Variants in YEATS2 observed in about 807,000 individuals in gnomAD.
YEATS2 encodes YEATS domain containing 2, also known as YEATS domain-containing protein 2.
In YEATS2, 77 loss-of-function variants were observed where a neutral mutation model predicts 163.2. The ratio of observed to expected loss-of-function variants is 0.47; its 90% CI spans 0.39 to 0.57. YEATS2 has a LOEUF of 0.57. Among genes scored for constraint, YEATS2 ranks in the 20% least tolerant of loss-of-function variants. YEATS2 has a pLI of 0.00. For synonymous variants in YEATS2, 631 were observed against 645.1 expected (o/e 0.98, Z 0.33); for missense variants, 1,549 against 1,729.8 (o/e 0.90, Z 1.85).
At position 183,701,052 on chromosome 3, in the gene YEATS2, T is replaced by C. The variant is rs76599603; in HGVS notation, c.-20+3059T>C. On this transcript the variant is annotated intron_variant, in intron 1 of 30. Coordinates refer to ENST00000305135, the MANE Select transcript of YEATS2 (RefSeq NM_018023.5). ...TTTAACTGGTGTGTGTATATATATA[T>C]GTGTGTGTGTGTGTGTGTGTATATA... Among the ~76,000 whole-genome samples the C allele has an allele frequency of 5.7e-3, 527 of 93,266 alleles. 3 individuals carry two copies. The highest frequency in any genetic ancestry group is 0.02 in the African/African-American group (487 of 24,908). The allele number at this position is 93,266 out of a possible 152,430, so 61.2% of individuals were successfully genotyped here.
At chr3:183,718,193 C>A (rs1716109228) in intron 3 of YEATS2, among the ~76,000 whole-genome samples, 1 of 152,056 alleles carries the variant, frequency 6.6e-6, no homozygotes, top group Admixed American at 6.6e-5. Flanking sequence ...CACTGTGTAC[C>A]CACAACAGTT....
intron 8 of YEATS2, among the ~76,000 whole-genome samples, chr3:183,745,229 A>T (rs1461103346): frequency 1.3e-5 from 2 of 152,200 alleles, no homozygotes; most frequent in Non-Finnish European, 2.9e-5. Flanking sequence ...TTCATAGGGC[A>T]TCCTACACAA....
chr3:183,770,170 C>T (rs1291762096), intron 15 of YEATS2, among the ~76,000 whole-genome samples: 3 of 151,490 alleles, frequency 2.0e-5, no homozygotes, highest in East Asian at 4.0e-4. Flanking sequence ...GGGCGGATCA[C>T]GAGGTCAGGA....
chr3:183,715,051 C>T (rs116632514), intron 1 of YEATS2, 93 bp from the exon 2 acceptor site: 212 of 659,930 alleles, frequency 3.2e-4, no homozygotes, highest in Non-Finnish European at 4.6e-4. Context: ...TTTGTTTGTA[C>T]ACATATATTT....
chr3:183,772,121 A>G (rs780341503), intron 15 of YEATS2, among the ~76,000 whole-genome samples, 184 bp from the exon 16 acceptor site: 1 of 152,174 alleles, frequency 6.6e-6, no homozygotes, highest in Non-Finnish European at 1.5e-5. Flanking sequence ...TTAAGCTTCT[A>G]TTATTGTAAT....
intron 1 of YEATS2, among the ~76,000 whole-genome samples, chr3:183,700,272 A>C (rs765962559): frequency 5.3e-4 from 80 of 152,170 alleles, no homozygotes; most frequent in Admixed American, 5.9e-4. Context: ...GTTATTTTTT[A>C]TTATAAAATC....
At chr3:183,755,816 C>CGATCTCG (rs1196136040) in intron 11 of YEATS2, among the ~76,000 whole-genome samples, 1 of 132,278 alleles carries the variant, frequency 7.6e-6, no homozygotes, top group Non-Finnish European at 1.5e-5. Context: ...TGCAATGGCA[C>CGATCTCG]GATCTCGGCT....
Position 183,713,573 on chromosome 3 carries a change from T to C in YEATS2, c.-19-1571T>C, listed in dbSNP as rs201708907. Among the ~76,000 whole-genome samples the C allele has an allele frequency of 1.4e-4, 21 of 152,220 alleles. No homozygotes were observed. The East Asian group carries it at 2.5e-3, about 18-fold the overall frequency. Reference sequence around the variant, plus strand: ...GTGAGACTCCGTCTCAATCAATCAATCAATCAATAAGAAACCTGGCAGCTA... The same window carrying C: ...GTGAGACTCCGTCTCAATCAATCAACCAATCAATAAGAAACCTGGCAGCTA... On this transcript the variant is annotated intron_variant, in intron 1 of 30. Transcript: ENST00000305135.
Position 183,809,153 on chromosome 3 carries a change from G to GGTATT in YEATS2, c.4143_4144insGTATT (p.Thr1382ValfsTer15). ...GACAGGCTTTGGCAGTTGGATACCAGACAGCTTCTCACAACAGGTATTACT... is the reference window on the plus strand; with the variant it reads ...GACAGGCTTTGGCAGTTGGATACCAGGTATTACAGCTTCTCACAACAGGTATTACT... On this transcript the variant is annotated frameshift_variant, in exon 30 of 31. Transcript: ENST00000305135. LOFTEE classifies it high-confidence loss of function. 6.2e-7 allele frequency: 1 copy of GGTATT among 1,614,150 alleles called. No homozygotes were observed. The highest frequency in any genetic ancestry group is 2.2e-5 in the East Asian group (1 of 44,872).
Position 183,807,030 on chromosome 3 carries a change from G to A in YEATS2, c.3949G>A (p.Glu1317Lys). Reference protein sequence around the residue: ...IKKEQEEKQEEVKFYLPPTPG... With the variant: ...IKKEQEEKQEKVKFYLPPTPG... ...GAAGGAGCAGGAAGAGAAACAAGAG[G>A]AAGTCAAGTTCTACCTGCCACCAAC... The change falls in exon 28 of 31, where the codon GAA becomes AAA. Residue 1317 changes from glutamate (E) to lysine (K), a missense_variant. Physicochemically the swap from Glu to Lys is moderately conservative, Grantham distance 56. Transcript: ENST00000305135. The A allele has an allele frequency of 6.2e-7, 1 of 1,614,146 alleles. No homozygotes were observed. The highest frequency in any genetic ancestry group is 8.5e-7 in the Non-Finnish European group (1 of 1,180,034).
intron 1 of YEATS2, among the ~76,000 whole-genome samples, chr3:183,698,770 T>G (rs1337313590): frequency 6.6e-6 from 1 of 152,102 alleles, no homozygotes; most frequent in African/African-American, 2.4e-5. Flanking sequence ...ATGTAAAAAA[T>G]GCGGTATAAT....
intron 1 of YEATS2, among the ~76,000 whole-genome samples, chr3:183,698,247 C>T (rs1165614797): frequency 6.6e-6 from 1 of 152,146 alleles, no homozygotes; most frequent in Non-Finnish European, 1.5e-5. Context: ...GGGCGCTGCG[C>T]TGAGGGGATA....
At chr3:183,730,044 TTTTG>T (rs1232274438) in intron 7 of YEATS2, among the ~76,000 whole-genome samples, 107 of 89,680 alleles carry the variant, frequency 1.2e-3, no homozygotes, top group Middle Eastern at 0.019. Flanking sequence ...TTGTGTGGTT[TTTTG>T]TTTGTTTTTT....
At chr3:183,794,245 A>C (rs534281797) in intron 21 of YEATS2, among the ~76,000 whole-genome samples, 10 of 152,350 alleles carry the variant, frequency 6.6e-5, no homozygotes, top group Non-Finnish European at 1.2e-4. Context: ...GTAGACACTA[A>C]GAAAGAAAAT....
chr3:183,720,566 T>C (rs1488899450), intron 4 of YEATS2, among the ~76,000 whole-genome samples: 1 of 152,156 alleles, frequency 6.6e-6, no homozygotes, highest in Admixed American at 6.5e-5. Flanking sequence ...TTGGTGCTGC[T>C]CCTGATGCTG....
At chr3:183,743,506 ATTTT>A in intron 8 of YEATS2, among the ~76,000 whole-genome samples, 1 of 151,852 alleles carries the variant, frequency 6.6e-6, no homozygotes, top group African/African-American at 2.4e-5. Flanking sequence ...CACTCAGTTA[ATTTT>A]TTTATTTTTT....
intron 8 of YEATS2, among the ~76,000 whole-genome samples, chr3:183,741,709 G>A (rs1718986145): frequency 6.6e-6 from 1 of 151,966 alleles, no homozygotes; most frequent in Admixed American, 6.6e-5. Flanking sequence ...TTGAACCCAG[G>A]AGGCGAAGTT....
intron 19 of YEATS2, among the ~76,000 whole-genome samples, chr3:183,783,381 T>G (rs2108445997): frequency 6.6e-6 from 1 of 152,356 alleles, no homozygotes; most frequent in Admixed American, 6.5e-5. Context: ...GCTTCCTGTT[T>G]GCGTTGTTGC....
In YEATS2 at chr3:183,809,109, C is replaced by T. The variant is rs777079409; in HGVS notation, c.4099C>T (p.Leu1367=). 4 of 1,614,156 alleles carry T rather than the reference C, an allele frequency of 2.5e-6. No homozygotes were observed. In the Admixed American group the frequency reaches 6.7e-5, roughly 27 times the overall value. Residue 1367 remains leucine (L), a synonymous_variant, in exon 30 of 31, where the codon CTG becomes TTG. Coordinates refer to ENST00000305135, the MANE Select transcript of YEATS2 (RefSeq NM_018023.5). ...EDMILKATEQ[L]VNDILRQALA... ...TCTTCCATTGTAGGCTACAGAACAG[C>T]TGGTGAATGATATCCTGAGACAGGC...
Sources: allele counts gnomAD v4.1 joint callset (sites outside exome capture counted in the v4.1 genomes callset), GRCh38; gene constraint gnomAD v4.1.1; transcripts MANE v1.5; gene names NCBI Gene and HGNC (gene_info 2026-07-23, HGNC 2026-07-21).